Variants in JAML observed in about 807,000 individuals in gnomAD.
JAML encodes the protein junctional adhesion molecule-like.
A neutral mutation model predicts 39.3 loss-of-function variants in JAML; 25 were observed. That is an observed-to-expected ratio of 0.64 (90% CI 0.46 to 0.89). The LOEUF (loss-of-function observed/expected upper bound fraction) is 0.89. Among genes scored for constraint, JAML ranks in the 40% least tolerant of loss-of-function variants. The probability of loss-of-function intolerance (pLI) is 0.00; values close to 1 mark genes in which losing one functional copy is unlikely to be tolerated. For synonymous variants in JAML, 162 were observed against 179.2 expected, an observed-to-expected ratio of 0.90 and a Z score of 0.77; for missense variants, 440 against 486.9, an observed-to-expected ratio of 0.90 and a Z score of 0.91.
intron 2 of JAML, chr11:118,212,832 C>T: frequency 1.9e-6 from 3 of 1,613,706 alleles, no homozygotes; most frequent in Non-Finnish European, 2.5e-6. Flanking sequence ...GGAATTCTTC[C>T]TCCCAACCTT....
intron 3 of JAML, among the ~76,000 whole-genome samples, chr11:118,211,200 T>C (rs552783306): frequency 2.0e-5 from 3 of 152,082 alleles, no homozygotes; most frequent in Non-Finnish European, 4.4e-5. Flanking sequence ...ACAAAAGGAG[T>C]CATCCACAGG....
At position 118,198,007 on chromosome 11, in the gene JAML, A is replaced by C; in HGVS notation, c.996T>G (p.Cys332Trp). ...TGAAGCGTGTGTTCACCTCCCCTTC[A>C]CATCTTTCAAAATGGCAGGGTTTTT... ...IKEKPCHFER[C>W]EGEKHIYSPI... Residue 332 changes from cysteine to tryptophan, a missense_variant, in exon 8 of 10, where the codon TGT becomes TGG. Coordinates refer to ENST00000356289, the MANE Select transcript of JAML (RefSeq NM_001098526.2). 6.2e-7 allele frequency: 1 copy of C among 1,613,962 alleles called. No homozygotes were observed. The highest frequency in any genetic ancestry group is 8.5e-7 in the Non-Finnish European group (1 of 1,179,822).
At chr11:118,194,493 T>C (rs1948614803) in intron 9 of JAML, 76 bp from the exon 10 acceptor site, 8 of 1,235,216 alleles carry the variant, frequency 6.5e-6, no homozygotes, top group Non-Finnish European at 9.5e-6. Flanking sequence ...TGCTGTTCAT[T>C]GAGCTCTTCT....
At chr11:118,214,960 G>A in intron 1 of JAML, 74 bp from the exon 2 acceptor site, 1 of 1,346,854 alleles carries the variant, frequency 7.4e-7, no homozygotes, top group Non-Finnish European at 1.1e-6. Context: ...AATAGTGAAG[G>A]ACTATACGGA....
chr11:118,200,266 A>C (rs1948754268), intron 7 of JAML, among the ~76,000 whole-genome samples: 1 of 152,192 alleles, frequency 6.6e-6, no homozygotes, highest in Non-Finnish European at 1.5e-5. Flanking sequence ...CATAATAACA[A>C]AGTGAATGAG....
chr11:118,212,769 T>C lies in JAML; in HGVS notation c.44-208A>G, dbSNP rs944209057. 31 of 1,581,516 alleles carry C rather than the reference T, an allele frequency of 2.0e-5. 1 individual carries two copies. The Admixed American group carries it at 4.2e-4, about 22-fold the overall frequency. On this transcript the variant is annotated intron_variant, in intron 2 of 9. Coordinates refer to ENST00000356289, the MANE Select transcript of JAML (RefSeq NM_001098526.2). ...CAGAAGGATTCTGCAATCTTCATAC[T>C]ACAATAAATGCTATCTGGCTCCCTC...
At chr11:118,213,457 G>T in intron 2 of JAML, 36 of 347,248 alleles carry the variant, frequency 1.0e-4, no homozygotes, top group South Asian at 2.3e-4. Flanking sequence ...ACACAGCAGG[G>T]AGGACACAAA....
chr11:118,210,335 G>A (rs1949021836), intron 4 of JAML, 152 bp downstream of exon 4: 3 of 575,720 alleles, frequency 5.2e-6, no homozygotes, highest in Non-Finnish European at 9.0e-6. Context: ...TATTTTTATT[G>A]ACTGAAATAA....
intron 7 of JAML, among the ~76,000 whole-genome samples, chr11:118,199,154 TTAATTA>T (rs1948722769): frequency 6.6e-6 from 1 of 152,216 alleles, no homozygotes; most frequent in Non-Finnish European, 1.5e-5. Flanking sequence ...ATCCCTATTT[TTAATTA>T]TAAGCAAGAC....
intron 1 of JAML, among the ~76,000 whole-genome samples, chr11:118,221,380 G>A (rs955338880): frequency 1.3e-5 from 2 of 152,154 alleles, no homozygotes; most frequent in African/African-American, 2.4e-5. Flanking sequence ...TTTTTTCATG[G>A]AAGACAATTT....
At chr11:118,202,193 G>A (rs1948816310) in intron 6 of JAML, 1 of 152,258 alleles carries the variant, frequency 6.6e-6, no homozygotes, top group Non-Finnish European at 1.5e-5. Flanking sequence ...TGTTGAGAAA[G>A]AAACACGTGA....
intron 1 of JAML, among the ~76,000 whole-genome samples, chr11:118,224,530 A>G (rs1459302624): frequency 6.6e-6 from 1 of 152,210 alleles, no homozygotes; most frequent in Non-Finnish European, 1.5e-5. Context: ...TACCTTAAAT[A>G]CACACAATAA....
intron 5 of JAML, 190 bp from the exon 6 acceptor site, chr11:118,203,855 G>A: frequency 1.7e-6 from 1 of 575,524 alleles, no homozygotes; most frequent in East Asian, 2.8e-5. Context: ...ACTTGTGAAG[G>A]ACATCACAAA....
chr11:118,213,180 A>G, intron 2 of JAML: 1 of 1,384,326 alleles, frequency 7.2e-7, no homozygotes, highest in East Asian at 2.7e-5. Context: ...GGTGCTTCAC[A>G]CAGGGACCCC....
intron 6 of JAML, chr11:118,203,125 T>A (rs1948844130): frequency 1.8e-6 from 1 of 542,120 alleles, no homozygotes; most frequent in African/African-American, 1.9e-5. Context: ...AGCTTCTGTA[T>A]CTTTACATCA....
intron 1 of JAML, among the ~76,000 whole-genome samples, chr11:118,223,094 CAAAAAAAAAAAA>C (rs56175225): frequency 1.1e-5 from 1 of 93,196 alleles, no homozygotes; most frequent in African/African-American, 4.1e-5. Flanking sequence ...GACTCTGTCT[CAAAAAAAAAAAA>C]AAAAAAAAAG....
Position 118,196,799 on chromosome 11 carries a change from A to C in JAML, c.1028T>G (p.Ile343Ser). 1 of 1,611,848 alleles carries C rather than the reference A, an allele frequency of 6.2e-7. No individual in the cohort carries two copies. The highest frequency in any genetic ancestry group is 8.5e-7 in the Non-Finnish European group (1 of 1,178,018). Residue 343 changes from isoleucine (I) to serine (S), a missense_variant, in exon 9 of 10, where the codon ATT (isoleucine) becomes AGT (serine). By Grantham distance (142) the Ile-to-Ser change is moderately radical. Transcript: ENST00000356289. ...TTCTTCCTCGATCACCTCCCGTACA[A>C]TTATTGGGGAGTAAATGTGTTTCTA... ...EGEKHIYSPI[I>S]VREVIEEEEP...
chr11:118,201,623 A>G (rs1230383598), intron 6 of JAML: 1 of 152,352 alleles, frequency 6.6e-6, no homozygotes, highest in African/African-American at 2.4e-5. Context: ...AATGTGATTT[A>G]GAAAGATGGC....
rs1238840727 is a variant in JAML, at chr11:118,200,523, G to C, written c.862C>G (p.Leu288Val). The C allele has an allele frequency of 5.0e-6, 8 of 1,614,016 alleles. No homozygotes were observed. The Admixed American group carries it at 1.3e-4, about 27-fold the overall frequency. ...IVGIVCATILLLPVLILIVKK... is the reference protein window; with the variant it reads ...IVGIVCATILVLPVLILIVKK... Reference sequence around the variant, plus strand: ...ACGATCAATATCAGAACAGGGAGCAGCAGGATTGTGGCACAGACAATTCCC... The same window carrying C: ...ACGATCAATATCAGAACAGGGAGCACCAGGATTGTGGCACAGACAATTCCC... The change falls in exon 7 of 10, where the codon CTG becomes GTG. Residue 288 changes from leucine (L) to valine (V), a missense_variant. Physicochemically the swap from Leu to Val is conservative, Grantham distance 32 (BLOSUM62 1). Coordinates refer to ENST00000356289, the MANE Select transcript of JAML (RefSeq NM_001098526.2).
Sources: allele counts gnomAD v4.1 joint callset (sites outside exome capture counted in the v4.1 genomes callset), GRCh38; gene constraint gnomAD v4.1.1; transcripts MANE v1.5; gene names NCBI Gene and HGNC (gene_info 2026-07-23, HGNC 2026-07-21).